LRP1B: variants seen among roughly 807,000 people sequenced by gnomAD.
The protein encoded by LRP1B is LDL receptor related protein 1B.
Under a neutral mutation model 556.6 loss-of-function variants are expected in LRP1B, and 217 were observed. The ratio of observed to expected loss-of-function variants is 0.39; its 90% CI spans 0.35 to 0.44. LRP1B has a LOEUF of 0.44. Among genes scored for constraint, LRP1B ranks in the 20% least tolerant of loss-of-function variants. The pLI, the probability that LRP1B is intolerant of heterozygous loss-of-function variation, is 1.00. For synonymous variants in LRP1B, 2,047 were observed against 1,865.8 expected, an observed-to-expected ratio of 1.10 and a Z score of -2.50; for missense variants, 5,053 against 5,620.8, an observed-to-expected ratio of 0.90 and a Z score of 3.23.
At chr2:140,957,095 T>C (rs765913386) in intron 18 of LRP1B, among the ~76,000 whole-genome samples, 1 of 151,722 alleles carries the variant, frequency 6.6e-6, no homozygotes, top group Non-Finnish European at 1.5e-5. Context: ...TAAGTGATTT[T>C]AATAAATATC....
chr2:141,764,261 AG>A (rs1349384591), intron 2 of LRP1B, among the ~76,000 whole-genome samples: 13 of 152,034 alleles, frequency 8.6e-5, no homozygotes, highest in Non-Finnish European at 1.5e-4. Flanking sequence ...GCTCACTGCA[AG>A]CTCCGCCTCC....
At chr2:140,327,411 C>T (rs888377020) in intron 79 of LRP1B, among the ~76,000 whole-genome samples, 2 of 151,980 alleles carry the variant, frequency 1.3e-5, no homozygotes, top group Non-Finnish European at 2.9e-5. Flanking sequence ...AATAATTAAG[C>T]AAGTGGTCAT....
chr2:141,722,273 G>A (rs1692846855), intron 2 of LRP1B, among the ~76,000 whole-genome samples: 1 of 152,114 alleles, frequency 6.6e-6, no homozygotes, highest in African/African-American at 2.4e-5. Context: ...GGCTGCTCAG[G>A]ACGCTAAGGC....
chr2:140,591,726 T>C (rs1682235002), intron 43 of LRP1B, among the ~76,000 whole-genome samples: 1 of 152,210 alleles, frequency 6.6e-6, no homozygotes, highest in African/African-American at 2.4e-5. Context: ...TCCTACAAGA[T>C]ATTCTCAAAG....
chr2:141,461,003 C>A (rs1681845374), intron 3 of LRP1B, among the ~76,000 whole-genome samples: 2 of 151,436 alleles, frequency 1.3e-5, no homozygotes, highest in South Asian at 4.2e-4. Context: ...ACATAGCCAA[C>A]TCTCTTTGCA....
At chr2:140,339,561 C>T (rs1010752566) in intron 77 of LRP1B, among the ~76,000 whole-genome samples, 10 of 151,536 alleles carry the variant, frequency 6.6e-5, no homozygotes, top group Admixed American at 2.0e-4. Context: ...TGTAGAACCA[C>T]TGTCAAGAAA....
intron 1 of LRP1B, among the ~76,000 whole-genome samples, chr2:142,078,584 A>G (rs972791035): frequency 6.6e-6 from 1 of 152,174 alleles, no homozygotes; most frequent in African/African-American, 2.4e-5. Flanking sequence ...TGCCCTGTAC[A>G]GCGGGTAAAA....
rs192736566 is a variant in LRP1B at position 141,684,473 on chromosome 2, A to T, written c.205+125806T>A. ...CTGCCGGGGGGTGGGGGACTAGAGG[A>T]AGGATAGCATTAGGAGAAATATGTA... On this transcript the variant is annotated intron_variant, in intron 2 of 90. Coordinates refer to ENST00000389484, the MANE Select transcript of LRP1B (RefSeq NM_018557.3). Among the ~76,000 whole-genome samples, 375 of 152,134 alleles carry T rather than the reference A, an allele frequency of 2.5e-3. 2 individuals are homozygous for T. The highest frequency in any genetic ancestry group is 3.6e-3 in the Non-Finnish European group (247 of 67,986).
At chr2:140,416,021 T>C (rs1685184236) in intron 66 of LRP1B, among the ~76,000 whole-genome samples, 1 of 152,094 alleles carries the variant, frequency 6.6e-6, no homozygotes, top group Admixed American at 6.5e-5. Context: ...CCCTGGGCCA[T>C]GGATGAGTAC....
At chr2:141,347,317 A>T (rs755941716) in intron 3 of LRP1B, among the ~76,000 whole-genome samples, 14 of 152,062 alleles carry the variant, frequency 9.2e-5, no homozygotes, top group Non-Finnish European at 1.6e-4. Context: ...TAACAAAAAA[A>T]ATCAATAGAA....
chr2:141,994,458 A>G (rs903937554), intron 1 of LRP1B, among the ~76,000 whole-genome samples: 3 of 152,200 alleles, frequency 2.0e-5, no homozygotes, highest in Admixed American at 6.5e-5. Context: ...ATCACACAAA[A>G]TATTTTCATG....
intron 18 of LRP1B, among the ~76,000 whole-genome samples, chr2:140,976,571 G>A (rs1434881634): frequency 4.3e-5 from 6 of 138,620 alleles, no homozygotes; most frequent in African/African-American, 8.3e-5. Context: ...GCAGTGGCGC[G>A]ATCTCGGCTC....
chr2:141,453,912 CAAA>C (rs1355287603), intron 3 of LRP1B, among the ~76,000 whole-genome samples: 2 of 100,282 alleles, frequency 2.0e-5, no homozygotes. Context: ...GACTCTGTCT[CAAA>C]AAAAAAAAAA....
intron 7 of LRP1B, among the ~76,000 whole-genome samples, chr2:141,148,830 T>A (rs1701849091): frequency 6.6e-6 from 1 of 152,192 alleles, no homozygotes; most frequent in Non-Finnish European, 1.5e-5. Context: ...ACGCCTGTAA[T>A]CCCAACACTG....
chr2:141,922,906 C>G (rs536892774), intron 1 of LRP1B, among the ~76,000 whole-genome samples: 60 of 151,754 alleles, frequency 4.0e-4, no homozygotes, highest in African/African-American at 1.4e-3. Flanking sequence ...TCAAGACCAG[C>G]CTGGGTAACA....
chr2:140,391,402 C>A (rs1050563275), intron 66 of LRP1B, among the ~76,000 whole-genome samples: 5 of 152,030 alleles, frequency 3.3e-5, no homozygotes, highest in Non-Finnish European at 7.4e-5. Flanking sequence ...CTGAAAGGAG[C>A]ATCAGGGAAG....
chr2:141,395,432 A>G (rs1295222644), intron 3 of LRP1B, among the ~76,000 whole-genome samples: 3 of 152,166 alleles, frequency 2.0e-5, no homozygotes, highest in Middle Eastern at 6.3e-3. Context: ...TTTATAGCCT[A>G]CAGCAATAAG....
chr2:141,669,974 C>T (rs1378170653), intron 2 of LRP1B, among the ~76,000 whole-genome samples: 2 of 152,058 alleles, frequency 1.3e-5, no homozygotes, highest in South Asian at 2.1e-4. Flanking sequence ...AGGCTGGTCT[C>T]GAACTCCTGA....
At chr2:140,889,362 C>G (rs780168496) in intron 23 of LRP1B, among the ~76,000 whole-genome samples, 55 of 152,312 alleles carry the variant, frequency 3.6e-4, no homozygotes, top group Non-Finnish European at 7.3e-4. Flanking sequence ...GTGGCATGAT[C>G]TTGACTCATT....
Sources: gnomAD v4.1 joint callset for allele counts (sites outside exome capture counted in the v4.1 genomes callset) on GRCh38, gnomAD v4.1.1 for gene constraint, MANE v1.5 for transcripts, NCBI Gene and HGNC (gene_info 2026-07-23, HGNC 2026-07-21) for gene names.